MIA3: variants seen among roughly 807,000 people sequenced by gnomAD.
MIA3 encodes the protein MIA SH3 domain ER export factor 3.
A neutral mutation model predicts 192.4 loss-of-function variants in MIA3; 90 were observed. The ratio of observed to expected loss-of-function variants is 0.47; its 90% CI spans 0.39 to 0.56. The LOEUF (loss-of-function observed/expected upper bound fraction) is 0.56. Among genes scored for constraint, MIA3 ranks in the 20% least tolerant of loss-of-function variants. The pLI is 0.00. For missense variants in MIA3, 2,123 were observed against 2,269.4 expected (o/e 0.94, Z 1.31); for synonymous variants, 740 against 792.8 (o/e 0.93, Z 1.12).
chr1:222,651,465 T>C (rs960414820), intron 11 of MIA3, among the ~76,000 whole-genome samples: 4 of 152,022 alleles, frequency 2.6e-5, no homozygotes, highest in Non-Finnish European at 2.9e-5. Flanking sequence ...AGGGTTATGC[T>C]CCATCCTCTT....
chr1:222,646,475 G>A (rs578115002), intron 7 of MIA3, among the ~76,000 whole-genome samples: 1 of 151,848 alleles, frequency 6.6e-6, no homozygotes, highest in East Asian at 1.9e-4. Context: ...TACATGGCCG[G>A]GCGTGGTGGC....
chr1:222,662,891 G>A (rs1271247061), intron 26 of MIA3: 1 of 155,750 alleles, frequency 6.4e-6, no homozygotes, highest in Non-Finnish European at 1.4e-5. Context: ...ATTACAGATT[G>A]ATAACAGAAG....
intron 6 of MIA3, chr1:222,641,886 G>A (rs1257407989): frequency 4.4e-6 from 2 of 457,710 alleles, no homozygotes; most frequent in Non-Finnish European, 8.8e-6. Flanking sequence ...CCTAAAACTG[G>A]AAAAAATCAA....
intron 24 of MIA3, among the ~76,000 whole-genome samples, 168 bp from the exon 25 acceptor site, chr1:222,661,888 T>C (rs1268645739): frequency 1.3e-5 from 2 of 152,346 alleles, no homozygotes; most frequent in East Asian, 1.9e-4. Context: ...GCAGTTCTTA[T>C]TTTAATTCTT....
Position 222,621,304 on chromosome 1 carries a change from A to T in MIA3, c.267+12A>T, listed in dbSNP as rs1469295850. The T allele has an allele frequency of 1.2e-6, 2 of 1,600,222 alleles. No individual in the cohort carries two copies. The highest frequency in any genetic ancestry group is 1.7e-6 in the Non-Finnish European group (2 of 1,175,758). ...TTTGGGCTGGAAGTGTAAGTAAAAT[A>T]TCGACATACTTTATTTGCTTAATTT... On this transcript the variant is annotated intron_variant, in intron 2 of 27. Transcript: ENST00000344922.
At chr1:222,652,428 A>G (rs1034531041) in intron 13 of MIA3, 96 bp downstream of exon 13, 3 of 788,232 alleles carry the variant, frequency 3.8e-6, no homozygotes, top group African/African-American at 1.7e-5. Flanking sequence ...AGGGTAATAT[A>G]TGTGCAGGAT....
intron 7 of MIA3, among the ~76,000 whole-genome samples, chr1:222,646,427 A>G (rs1176434800): frequency 6.6e-6 from 1 of 151,190 alleles, no homozygotes; most frequent in African/African-American, 2.4e-5. Flanking sequence ...AAAAAAAAAA[A>G]AGAAAGAAAG....
In MIA3 at chr1:222,627,719, A is replaced by G; in HGVS notation, c.499A>G (p.Lys167Glu). 6.2e-7 allele frequency: 1 copy of G among 1,613,790 alleles called. No homozygotes were observed. The highest frequency in any genetic ancestry group is 8.5e-7 in the Non-Finnish European group (1 of 1,179,978). Residue 167 changes from lysine (K) to glutamate (E), a missense_variant, in exon 4 of 28, where the codon AAA (lysine) becomes GAA (glutamate). Coordinates refer to ENST00000344922, the MANE Select transcript of MIA3 (RefSeq NM_198551.4). ...AVEKTLQDME[K>E]NPELSKEREP... Reference sequence around the variant, plus strand: ...AGAAAAAACTTTACAGGATATGGAAAAAAACCCTGAATTATCTAAGGAAAG... The same window carrying G: ...AGAAAAAACTTTACAGGATATGGAAGAAAACCCTGAATTATCTAAGGAAAG...
chr1:222,629,533 A>C lies in MIA3; in HGVS notation c.2313A>C (p.Pro771=). 6.2e-7 allele frequency: 1 copy of C among 1,614,040 alleles called. No individual in the cohort carries two copies. The highest frequency in any genetic ancestry group is 8.5e-7 in the Non-Finnish European group (1 of 1,180,016). The part of the protein sequence containing the change: ...PDRAVLGTIH[P]DPEIEESKQE... ...GAGCAGTTTTAGGGACCATTCATCC[A>C]GATCCAGAAATTGAAGAAAGCAAGC... The change falls in exon 4 of 28, where the codon CCA becomes CCC. Residue 771 remains proline (P), a synonymous_variant. Transcript: ENST00000344922.
Position 222,630,352 on chromosome 1 carries a change from A to T in MIA3, c.3132A>T (p.Ala1044=), listed in dbSNP as rs1383559819. The change falls in exon 4 of 28, where the codon GCA becomes GCT. Residue 1044 remains alanine, a synonymous_variant. Coordinates refer to ENST00000344922, the MANE Select transcript of MIA3 (RefSeq NM_198551.4). ...TAEETATLVM[A]PPLEEGLGGA... ...AGGAGACAGCCACACTGGTGATGGC[A>T]CCACCTCTAGAGGAAGGCTTGGGTG... 6.2e-6 allele frequency: 10 copies of T among 1,612,978 alleles called. No homozygotes were observed. The highest frequency in any genetic ancestry group is 1.3e-5 in the African/African-American group (1 of 74,892).
Position 222,666,384 on chromosome 1 carries a change from A to C in MIA3, c.*765A>C, listed in dbSNP as rs1664288883. Reference sequence around the variant, plus strand: ...TTGTCTATTTGAGAATGGTTTTCTGAGAGTGAGTTTACATTAGTAGCAAGA... The same window carrying C: ...TTGTCTATTTGAGAATGGTTTTCTGCGAGTGAGTTTACATTAGTAGCAAGA... On this transcript the variant is annotated 3_prime_UTR_variant, in exon 28 of 28. Transcript: ENST00000344922. The C allele has an allele frequency of 6.6e-6, 1 of 152,128 alleles. No homozygotes were observed. Among genetic ancestry groups the C allele is most frequent in the Non-Finnish European group, 1.5e-5 (1 of 68,014 alleles). The allele number at this position is 152,128 out of a possible 1,614,324, so 9.4% of individuals were successfully genotyped here.
intron 6 of MIA3, among the ~76,000 whole-genome samples, chr1:222,643,527 C>T (rs931548112): frequency 6.6e-6 from 1 of 152,082 alleles, no homozygotes; most frequent in South Asian, 2.1e-4. Context: ...GAAGAGAGAC[C>T]TTTAAAGGTC....
At position 222,652,081 on chromosome 1, in the gene MIA3, A is replaced by G. The variant is rs755729557; in HGVS notation, c.3981+33A>G. On this transcript the variant is annotated intron_variant, in intron 12 of 27. Transcript: ENST00000344922. ...TGACTGTAATTCCTGCAGGATATTA[A>G]TACTATATCATAGTTTGATTGCAGA... is the stretch of plus-strand genomic sequence containing the variant. 27 of 1,358,084 alleles carry G rather than the reference A, an allele frequency of 2.0e-5. No individual in the cohort carries two copies. In the East Asian group the frequency reaches 6.0e-4, roughly 30 times the overall value. 84.1% of individuals were successfully genotyped at this position (1,358,084 alleles called of 1,614,324 possible). A position where few individuals can be genotyped will look rare whatever the true frequency, so the allele number is the denominator to read the frequency against.
chr1:222,650,876 A>C lies in MIA3; in HGVS notation c.3882A>C (p.Arg1294Ser). The C allele has an allele frequency of 6.2e-7, 1 of 1,604,872 alleles. No homozygotes were observed. Among genetic ancestry groups the C allele is most frequent in the South Asian group, 1.1e-5 (1 of 88,722 alleles). The change falls in exon 11 of 28, where the codon AGA becomes AGC. Residue 1294 changes from arginine (R) to serine (S), a missense_variant. By Grantham distance (110) the Arg-to-Ser change is moderately radical (BLOSUM62 -1). Around this residue, in one of 3 missense-constraint regions of MIA3, gnomAD observed 762 missense variants for 856.4 expected, o/e 0.89. Coordinates refer to ENST00000344922, the MANE Select transcript of MIA3 (RefSeq NM_198551.4). ...KNLRVMLESE[R>S]EQNVKNQDLI... The stretch of plus-strand genomic sequence containing the variant: ...TTCGTGTTATGCTAGAATCTGAGAG[A>C]GAACAGAATGTCAAGAATCAGGACT...
chr1:222,664,418 G>A (rs1347706685), intron 27 of MIA3, among the ~76,000 whole-genome samples: 2 of 152,200 alleles, frequency 1.3e-5, no homozygotes, highest in Non-Finnish European at 2.9e-5. Context: ...ATCTGTGGCT[G>A]TGTACTAGGC....
At chr1:222,635,909 C>T (rs528787269) in intron 6 of MIA3, among the ~76,000 whole-genome samples, 1 of 152,340 alleles carries the variant, frequency 6.6e-6, no homozygotes, top group African/African-American at 2.4e-5. Flanking sequence ...TTGCCTATTT[C>T]ATTCTTATAC....
chr1:222,650,510 C>A, intron 9 of MIA3, 124 bp from the exon 10 acceptor site: 1 of 857,786 alleles, frequency 1.2e-6, no homozygotes, highest in Non-Finnish European at 1.9e-6. Context: ...ATAAACCATC[C>A]AGATCTTAAG....
At position 222,629,180 on chromosome 1, in the gene MIA3, A is replaced by T. The variant is rs1662272255; in HGVS notation, c.1960A>T (p.Asn654Tyr). Residue 654 changes from asparagine to tyrosine, a missense_variant, in exon 4 of 28, where the codon AAT becomes TAT. This residue lies in a region of MIA3 where 1,357 missense variants were observed against 1,396.1 expected (regional missense o/e 0.97). Transcript: ENST00000344922. ...AGACGAGGTTCCCATTCTGGGAAGAAATCTTCCCTGGCAACAAGAAAGAGA... is the reference window on the plus strand; with the variant it reads ...AGACGAGGTTCCCATTCTGGGAAGATATCTTCCCTGGCAACAAGAAAGAGA... Reference protein sequence around the residue: ...LEDEVPILGRNLPWQQERDVA... With the variant: ...LEDEVPILGRYLPWQQERDVA... 1 of 1,614,016 alleles carries T rather than the reference A, an allele frequency of 6.2e-7. No individual in the cohort carries two copies. The highest frequency in any genetic ancestry group is 8.5e-7 in the Non-Finnish European group (1 of 1,180,010).
chr1:222,618,377 G>T, intron 1 of MIA3, 134 bp downstream of exon 1: 5 of 941,852 alleles, frequency 5.3e-6, no homozygotes, highest in Non-Finnish European at 5.5e-6. Context: ...CGGCCCGGGG[G>T]TCGCAGGCGG....
Sources: allele counts gnomAD v4.1 joint callset (sites outside exome capture counted in the v4.1 genomes callset), GRCh38; gene constraint gnomAD v4.1.1; regional missense constraint gnomAD v4.1.1; transcripts MANE v1.5; gene names NCBI Gene and HGNC (gene_info 2026-07-23, HGNC 2026-07-21).